CMTM2: variants seen among roughly 807,000 people sequenced by gnomAD.
The protein encoded by CMTM2 is CKLF like MARVEL transmembrane domain containing 2, also known as CKLF-like MARVEL transmembrane domain-containing protein 2.
CMTM2 carries 15 observed loss-of-function variants against 16.8 expected under a neutral mutation model. The ratio of observed to expected loss-of-function variants is 0.89; its 90% CI spans 0.60 to 1.37. CMTM2 has a LOEUF of 1.37. CMTM2 is among the 40% of genes most tolerant of loss of function. The probability of loss-of-function intolerance (pLI) is 0.00; values close to 1 mark genes in which losing one functional copy is unlikely to be tolerated. For synonymous variants in CMTM2, 117 were observed against 118.7 expected, an observed-to-expected ratio of 0.99 and a Z score of 0.09; for missense variants, 282 against 318.0, an observed-to-expected ratio of 0.89 and a Z score of 0.86.
In CMTM2 at chr16:66,579,530, T is replaced by A; in HGVS notation, c.-78T>A. 2 of 1,559,534 alleles carry A rather than the reference T, an allele frequency of 1.3e-6. No individual in the cohort carries two copies. The highest frequency in any genetic ancestry group is 2.7e-5 in the African/African-American group (2 of 73,650). On this transcript the variant is annotated 5_prime_UTR_variant, in exon 1 of 4. Transcript: ENST00000268595. The surrounding 1 kb of genome is among the most constrained non-coding windows in gnomAD (Gnocchi z 6.5). Reference sequence around the variant, plus strand: ...GCTCGGTGGACACCAGGCACTCTAGTAGGCCTGGCCTACCCAGAAACAGCA... The same window carrying A: ...GCTCGGTGGACACCAGGCACTCTAGAAGGCCTGGCCTACCCAGAAACAGCA...
chr16:66,580,749 C>A (rs1688325579), intron 2 of CMTM2: 1 of 153,224 alleles, frequency 6.5e-6, no homozygotes. Flanking sequence ...GTTACTAAAC[C>A]ATTCCCAGCC....
At chr16:66,580,512 GCT>G in intron 2 of CMTM2, 1 of 298,694 alleles carries the variant, frequency 3.3e-6, no homozygotes, top group Admixed American at 4.6e-5. Flanking sequence ...TCCTGTGCCA[GCT>G]CACACTTGAC....
chr16:66,582,779 C>T (rs1476196360), intron 2 of CMTM2, among the ~76,000 whole-genome samples: 2 of 152,078 alleles, frequency 1.3e-5, no homozygotes, highest in Non-Finnish European at 2.9e-5. Flanking sequence ...GAGGCTGAGG[C>T]AGGAGAATGG....
At chr16:66,580,289 C>G (rs1264544077) in intron 2 of CMTM2, 105 bp downstream of exon 2, 4 of 1,273,210 alleles carry the variant, frequency 3.1e-6, no homozygotes, top group Non-Finnish European at 3.4e-6. Context: ...CCTCCCATAT[C>G]TGTGCCTGGG....
rs775649442 is a variant in CMTM2 at position 66,588,153 on chromosome 16, T to G, written c.*34T>G. ...AGGCTCCTGGTGTCTGAAACGGCAG[T>G]GTATTTTACAGCAATATGTTTCCAC... On this transcript the variant is annotated 3_prime_UTR_variant, in exon 4 of 4. Coordinates refer to ENST00000268595, the MANE Select transcript of CMTM2 (RefSeq NM_144673.3). 1.3e-6 allele frequency: 2 copies of G among 1,588,390 alleles called. No homozygotes were observed. Among genetic ancestry groups the G allele is most frequent in the Non-Finnish European group, 1.7e-6 (2 of 1,159,726 alleles).
chr16:66,586,807 A>C (rs2046101282), intron 2 of CMTM2, 190 bp from the exon 3 acceptor site: 1 of 573,328 alleles, frequency 1.7e-6, no homozygotes, highest in Non-Finnish European at 3.1e-6. Flanking sequence ...TTTAGGTTTC[A>C]ATTTAAAAAG....
intron 2 of CMTM2, among the ~76,000 whole-genome samples, chr16:66,582,213 T>TA (rs1188915015): frequency 6.6e-6 from 1 of 152,152 alleles, no homozygotes; most frequent in Non-Finnish European, 1.5e-5. Flanking sequence ...GACAGATTTT[T>TA]AAAAAGTACA....
At chr16:66,580,994 T>C (rs1332971789) in intron 2 of CMTM2, among the ~76,000 whole-genome samples, 1 of 152,126 alleles carries the variant, frequency 6.6e-6, no homozygotes, top group Non-Finnish European at 1.5e-5. Context: ...CAGAGCCCTC[T>C]TGTTCACTGT....
intron 2 of CMTM2, among the ~76,000 whole-genome samples, chr16:66,584,134 A>C (rs1336622998): frequency 6.6e-6 from 1 of 152,178 alleles, no homozygotes; most frequent in East Asian, 1.9e-4. Context: ...CTCCTGGTTC[A>C]AGCATTCTCC....
chr16:66,586,522 C>T (rs899820560), intron 2 of CMTM2, among the ~76,000 whole-genome samples: 1 of 152,090 alleles, frequency 6.6e-6, no homozygotes, highest in Non-Finnish European at 1.5e-5. Flanking sequence ...TGGCACACAC[C>T]TGTAGTCGCA....
At position 66,587,087 on chromosome 16, in the gene CMTM2, T is replaced by C. The variant is rs766770147; in HGVS notation, c.535T>C (p.Leu179=). The change falls in exon 3 of 4, where the codon TTA becomes CTA. Residue 179 remains leucine, a synonymous_variant. Coordinates refer to ENST00000268595, the MANE Select transcript of CMTM2 (RefSeq NM_144673.3). ...RSRRSMNLHY[L]LAVILIGAAG... is the part of the protein sequence containing the mutation. ...TCGGCGATCCATGAATCTCCACTAC[T>C]TACTTGCTGTGGTGAGTCTTTCCAT... 2.5e-6 allele frequency: 4 copies of C among 1,612,690 alleles called. No homozygotes were observed. Among genetic ancestry groups the C allele is most frequent in the South Asian group, 2.2e-5 (2 of 91,062 alleles).
At chr16:66,586,148 G>A (rs1183845493) in intron 2 of CMTM2, among the ~76,000 whole-genome samples, 1 of 152,142 alleles carries the variant, frequency 6.6e-6, no homozygotes, top group Non-Finnish European at 1.5e-5. Context: ...TGCAAAGAGG[G>A]GAAGGGGTCT....
chr16:66,587,905 G>A lies in CMTM2; in HGVS notation c.547-14G>A, dbSNP rs113390827. Reference sequence around the variant, plus strand: ...ATGAAAAGCAAAAGTCATGAGGACCGTTTTGTTTTCCAGATCCTTATTGGT... The same window carrying A: ...ATGAAAAGCAAAAGTCATGAGGACCATTTTGTTTTCCAGATCCTTATTGGT... On this transcript the variant is annotated splice_polypyrimidine_tract_variant and intron_variant, in intron 3 of 3. Coordinates refer to ENST00000268595, the MANE Select transcript of CMTM2 (RefSeq NM_144673.3). The A allele has an allele frequency of 7.9e-4, 1,276 of 1,613,510 alleles. 8 individuals are homozygous for A. In the African/African-American group the frequency reaches 0.014, roughly 18 times the overall value.
At chr16:66,583,410 A>G (rs1312267451) in intron 2 of CMTM2, among the ~76,000 whole-genome samples, 1 of 151,878 alleles carries the variant, frequency 6.6e-6, no homozygotes, top group Non-Finnish European at 1.5e-5. Flanking sequence ...GAAAATCGCT[A>G]GAACCCAGGA....
rs1240003774 is a variant in CMTM2, at chr16:66,586,172, G to A, written c.445-825G>A. On this transcript the variant is annotated intron_variant, in intron 2 of 3. Transcript: ENST00000268595. ...GGGAAGGGGTCTAGGAAGTCAGGCCGAGGGCAGGGGGTTGCAGAAGAAGCT... is the reference window on the plus strand; with the variant it reads ...GGGAAGGGGTCTAGGAAGTCAGGCCAAGGGCAGGGGGTTGCAGAAGAAGCT... Among the ~76,000 whole-genome samples the A allele has an allele frequency of 3.9e-5, 6 of 152,150 alleles. No homozygotes were observed. In the South Asian group the frequency reaches 6.2e-4, roughly 16 times the overall value.
chr16:66,580,919 T>C (rs996972938), intron 2 of CMTM2, among the ~76,000 whole-genome samples: 5 of 152,116 alleles, frequency 3.3e-5, no homozygotes, highest in African/African-American at 1.2e-4. Context: ...ACCTAACCCC[T>C]TGCCAGTCAA....
chr16:66,581,068 T>TAG (rs1230348214), intron 2 of CMTM2, among the ~76,000 whole-genome samples: 1 of 152,116 alleles, frequency 6.6e-6, no homozygotes. Context: ...CCCAGGTCAC[T>TAG]CAGCTGGTAA....
At chr16:66,583,649 CCA>C (rs778281702) in intron 2 of CMTM2, among the ~76,000 whole-genome samples, 1 of 151,808 alleles carries the variant, frequency 6.6e-6, no homozygotes, top group Non-Finnish European at 1.5e-5. Flanking sequence ...GAGAAACATT[CCA>C]CATTCACAAA....
Position 66,579,719 on chromosome 16 carries a change from C to A in CMTM2, c.112C>A (p.Pro38Thr). Residue 38 changes from proline to threonine, a missense_variant, in exon 1 of 4, where the codon CCT becomes ACT. By Grantham distance (38) the Pro-to-Thr change is conservative. Transcript: ENST00000268595. The surrounding 1 kb of genome is among the most constrained non-coding windows in gnomAD (Gnocchi z 6.5). ...GGACGGTAAGGAGCCATCGGACAAA[C>A]CTCAAAAGGCGGTGCAGGACCATAA... Reference protein sequence around the residue: ...KKDGKEPSDKPQKAVQDHKEP... With the variant: ...KKDGKEPSDKTQKAVQDHKEP... The A allele has an allele frequency of 6.2e-7, 1 of 1,613,528 alleles. No homozygotes were observed. Among genetic ancestry groups the A allele is most frequent in the South Asian group, 1.1e-5 (1 of 91,020 alleles).
Sources: gnomAD v4.1 joint callset for allele counts (sites outside exome capture counted in the v4.1 genomes callset) on GRCh38, gnomAD v4.1.1 for gene constraint, Gnocchi (gnomAD v3.1) non-coding constraint, MANE v1.5 for transcripts, NCBI Gene and HGNC (gene_info 2026-07-23, HGNC 2026-07-21) for gene names.